The following LTC4S variants were observed in gnomAD, a reference collection of about 807,000 sequenced individuals.
LTC4S encodes leukotriene C4 synthase, also known as LTC4 synthase.
A neutral mutation model predicts 19.6 loss-of-function variants in LTC4S; 18 were observed. That is an observed-to-expected ratio of 0.92 (90% CI 0.64 to 1.36). LTC4S has a LOEUF of 1.36. LTC4S is among the 40% of genes most tolerant of loss of function. The pLI is 0.00. For synonymous variants in LTC4S, 126 were observed against 110.1 expected, an observed-to-expected ratio of 1.14 and a Z score of -0.91; for missense variants, 235 against 212.2, an observed-to-expected ratio of 1.11 and a Z score of -0.67.
Position 179,796,475 on chromosome 5 carries a change from C to T in LTC4S, c.*81C>T. The T allele has an allele frequency of 1.4e-6, 2 of 1,396,204 alleles. No homozygotes were observed. Among genetic ancestry groups the T allele is most frequent in the South Asian group, 1.5e-5 (1 of 67,934 alleles). 86.5% of individuals were successfully genotyped at this position (1,396,204 alleles called of 1,614,324 possible). A position where few individuals can be genotyped will look rare whatever the true frequency, so the allele number is the denominator to read the frequency against. On this transcript the variant is annotated 3_prime_UTR_variant, in exon 5 of 5. Transcript: ENST00000292596. ...CCCCGGGGAGGGGCGCTCGCTTCCG[C>T]ATCCTAGTCTCTATCATTAAAGTTC...
rs1562600493 is a variant in LTC4S at position 179,796,579 on chromosome 5, GC to G, written c.*188del. ...GGGCTACGGAGCCTGGAGGGGCCCA[GC>G]CCGAGTCCGGGCAGCCCGGGGCGGG... On this transcript the variant is annotated 3_prime_UTR_variant, in exon 5 of 5. Coordinates refer to ENST00000292596, the MANE Select transcript of LTC4S (RefSeq NM_145867.2). 2.1e-6 allele frequency: 2 copies of G among 938,650 alleles called. No individual in the cohort carries two copies. Among genetic ancestry groups the G allele is most frequent in the East Asian group, 6.8e-5 (2 of 29,248 alleles). The allele number at this position is 938,650 out of a possible 1,614,324, so 58.1% of individuals were successfully genotyped here. A position where few individuals can be genotyped will look rare whatever the true frequency, so the allele number is the denominator to read the frequency against.
intron 1 of LTC4S, 130 bp downstream of exon 1, chr5:179,794,268 T>C: frequency 2.5e-6 from 3 of 1,222,816 alleles, no homozygotes; most frequent in Non-Finnish European, 3.5e-6. Context: ...GGGTGGGGAC[T>C]TTCAGGGAAC....
intron 1 of LTC4S, 34 bp from the exon 2 acceptor site, chr5:179,795,550 C>A (rs1283483133): frequency 6.3e-7 from 1 of 1,585,248 alleles, no homozygotes; most frequent in African/African-American, 1.4e-5. Flanking sequence ...CTTCGGGTGT[C>A]CAGACCTGAC....
rs1756629463 is a variant in LTC4S, at chr5:179,796,415, C to T, written c.*21C>T. ...CCTGAGACCAAGGCCCCCGGGCCGACGGAGCCGGGAAAGAAGAGCCGGAGC... is the reference window on the plus strand; with the variant it reads ...CCTGAGACCAAGGCCCCCGGGCCGATGGAGCCGGGAAAGAAGAGCCGGAGC... On this transcript the variant is annotated 3_prime_UTR_variant, in exon 5 of 5. Transcript: ENST00000292596. The T allele has an allele frequency of 4.1e-6, 6 of 1,476,800 alleles. No individual in the cohort carries two copies. The highest frequency in any genetic ancestry group is 1.3e-5 in the South Asian group (1 of 78,624). The allele number at this position is 1,476,800 out of a possible 1,614,324, so 91.5% of individuals were successfully genotyped here.
rs1216542861 is a variant in LTC4S, at chr5:179,794,070, C to A, written c.-11C>A. The A allele has an allele frequency of 6.2e-7, 1 of 1,613,542 alleles. No individual in the cohort carries two copies. Among genetic ancestry groups the A allele is most frequent in the Non-Finnish European group, 8.5e-7 (1 of 1,179,970 alleles). On this transcript the variant is annotated 5_prime_UTR_variant, in exon 1 of 5. Coordinates refer to ENST00000292596, the MANE Select transcript of LTC4S (RefSeq NM_145867.2). ...TTCACACACAGCCCGTGCCACCACA[C>A]CGACGGTACCATGAAGGACGAGGTA... is the stretch of plus-strand genomic sequence containing the variant.
intron 1 of LTC4S, among the ~76,000 whole-genome samples, chr5:179,794,415 C>T (rs1177441790): frequency 6.6e-6 from 1 of 152,108 alleles, no homozygotes; most frequent in Non-Finnish European, 1.5e-5. Flanking sequence ...TCCCAGCAAG[C>T]GGCCCCCATT....
In LTC4S at chr5:179,795,641, T is replaced by C. The variant is rs766469666; in HGVS notation, c.116T>C (p.Leu39Pro). The C allele has an allele frequency of 3.1e-6, 5 of 1,609,594 alleles. No homozygotes were observed. The Admixed American group carries it at 8.3e-5, about 27-fold the overall frequency. Reference sequence around the variant, plus strand: ...AGGGCCTTCCGCGTGTCGCCGCCGCTCACCACCGGCCCACCCGAGTTCGAG... The same window carrying C: ...AGGGCCTTCCGCGTGTCGCCGCCGCCCACCACCGGCCCACCCGAGTTCGAG... ...ARRAFRVSPP[L>P]TTGPPEFERV... Residue 39 changes from leucine (L) to proline (P), a missense_variant, in exon 2 of 5, where the codon CTC (leucine) becomes CCC (proline). Coordinates refer to ENST00000292596, the MANE Select transcript of LTC4S (RefSeq NM_145867.2).
chr5:179,795,741 C>G (rs1478281726), intron 2 of LTC4S, 45 bp from the exon 3 acceptor site: 1 of 1,566,330 alleles, frequency 6.4e-7, no homozygotes, highest in Non-Finnish European at 8.6e-7. Context: ...GTCCGGGTCG[C>G]AGGACCATCC....
At chr5:179,795,433 A>G in intron 1 of LTC4S, 151 bp from the exon 2 acceptor site, 2 of 1,457,932 alleles carry the variant, frequency 1.4e-6, no homozygotes, top group South Asian at 2.7e-5. Context: ...GGGTGAGACG[A>G]GAGGTCTCCT....
intron 1 of LTC4S, 112 bp downstream of exon 1, chr5:179,794,250 C>T (rs982208256): frequency 7.2e-7 from 1 of 1,379,472 alleles, no homozygotes; most frequent in African/African-American, 1.4e-5. Flanking sequence ...CAGGCCCAAG[C>T]TGGAAGAGGG....
intron 1 of LTC4S, among the ~76,000 whole-genome samples, chr5:179,795,133 G>T (rs1756565114): frequency 1.3e-5 from 2 of 152,190 alleles, no homozygotes; most frequent in Admixed American, 1.3e-4. Context: ...GGGACTGTTA[G>T]CTACAGGGAG....
chr5:179,795,979 C>G lies in LTC4S; in HGVS notation c.268C>G (p.Arg90Gly). 1 of 1,542,594 alleles carries G rather than the reference C, an allele frequency of 6.5e-7. No homozygotes were observed. Among genetic ancestry groups the G allele is most frequent in the Non-Finnish European group, 8.7e-7 (1 of 1,150,352 alleles). ...ALCGLVYLFARLRYFQGYARS... is the reference protein window; with the variant it reads ...ALCGLVYLFAGLRYFQGYARS... ...GTGCGGCCTGGTCTACCTGTTCGCG[C>G]GCCTCCGCTACTTCCAGGGCTACGC... The change falls in exon 4 of 5, where the codon CGC (arginine) becomes GGC (glycine). Residue 90 changes from arginine (R) to glycine (G), a missense_variant. Coordinates refer to ENST00000292596, the MANE Select transcript of LTC4S (RefSeq NM_145867.2).
Position 179,795,996 on chromosome 5 carries a change from G to A in LTC4S, c.285G>A (p.Gln95=). ...TGTTCGCGCGCCTCCGCTACTTCCA[G>A]GGCTACGCGCGCTCCGCGCAGCTCA... ...VYLFARLRYF[Q]GYARSAQLRL... is the part of the protein sequence containing the mutation. The change falls in exon 4 of 5, where the codon CAG becomes CAA. Residue 95 remains glutamine (Q), a synonymous_variant. Transcript: ENST00000292596. 2 of 1,535,682 alleles carry A rather than the reference G, an allele frequency of 1.3e-6. No individual in the cohort carries two copies. Among genetic ancestry groups the A allele is most frequent in the Non-Finnish European group, 1.7e-6 (2 of 1,147,112 alleles).
intron 1 of LTC4S, 178 bp from the exon 2 acceptor site, chr5:179,795,406 C>A: frequency 6.9e-7 from 1 of 1,450,114 alleles, no homozygotes; most frequent in Non-Finnish European, 9.1e-7. Flanking sequence ...GTCAGGGACA[C>A]AGGGCAGGCC....
At chr5:179,795,506 G>A in intron 1 of LTC4S, 78 bp from the exon 2 acceptor site, 1 of 1,538,056 alleles carries the variant, frequency 6.5e-7, no homozygotes, top group Non-Finnish European at 8.8e-7. Flanking sequence ...TGAAGGGCCA[G>A]ATTGCAGGAT....
In LTC4S at chr5:179,796,027, G is replaced by A. The variant is rs989566834; in HGVS notation, c.311+5G>A. ...CGCGCGCTCCGCGCAGCTCAGGTGA[G>A]GGCCGGGCGGGGAGCGGGGCGGGGC... On this transcript the variant is annotated splice_donor_5th_base_variant and intron_variant, in intron 4 of 4. Transcript: ENST00000292596. 3 of 1,517,222 alleles carry A rather than the reference G, an allele frequency of 2.0e-6. No homozygotes were observed. The highest frequency in any genetic ancestry group is 2.6e-6 in the Non-Finnish European group (3 of 1,139,362). 94.0% of individuals were successfully genotyped at this position (1,517,222 alleles called of 1,614,324 possible). A position where few individuals can be genotyped will look rare whatever the true frequency, so the allele number is the denominator to read the frequency against.
intron 4 of LTC4S, 53 bp from the exon 5 acceptor site, chr5:179,796,200 C>T (rs1031294494): frequency 8.8e-6 from 12 of 1,358,462 alleles, no homozygotes; most frequent in Non-Finnish European, 3.9e-6. Context: ...AGGGTTGCGG[C>T]GGGGAAGAAG....
intron 4 of LTC4S, 72 bp from the exon 5 acceptor site, chr5:179,796,181 C>A: frequency 7.7e-7 from 1 of 1,305,440 alleles, no homozygotes; most frequent in Non-Finnish European, 1.0e-6. Flanking sequence ...AGGAAGTCCC[C>A]GTGGGGCCAG....
At chr5:179,794,244 C>G in intron 1 of LTC4S, 106 bp downstream of exon 1, 2 of 1,427,852 alleles carry the variant, frequency 1.4e-6, no homozygotes, top group Non-Finnish European at 1.9e-6. Context: ...CCAGCCCAGG[C>G]CCAAGCTGGA....
Sources: allele counts gnomAD v4.1 joint callset (sites outside exome capture counted in the v4.1 genomes callset), GRCh38; gene constraint gnomAD v4.1.1; transcripts MANE v1.5; gene names NCBI Gene and HGNC (gene_info 2026-07-23, HGNC 2026-07-21).